KHDRBS2: variants seen among roughly 807,000 people sequenced by gnomAD.
KHDRBS2 encodes KH domain-containing, RNA-binding, signal transduction-associated protein 2.
In KHDRBS2, 26 loss-of-function variants were observed where a neutral mutation model predicts 44.3. That is an observed-to-expected ratio of 0.59 (90% CI 0.43 to 0.81). KHDRBS2 has a LOEUF of 0.81. Among genes scored for constraint, KHDRBS2 ranks in the 40% least tolerant of loss-of-function variants. The probability of loss-of-function intolerance (pLI) is 0.00; values close to 1 mark genes in which losing one functional copy is unlikely to be tolerated. For synonymous variants in KHDRBS2, 194 were observed against 151.1 expected (o/e 1.28, Z -2.08); for missense variants, 476 against 433.1 (o/e 1.10, Z -0.88).
intron 1 of KHDRBS2, among the ~76,000 whole-genome samples, chr6:62,205,724 TC>T (rs1036853420): frequency 2.4e-4 from 37 of 152,208 alleles, no homozygotes; most frequent in African/African-American, 8.9e-4. Context: ...TCAGCAAGTT[TC>T]CTCCTCCCAT....
At chr6:61,976,271 G>C (rs1396284639) in intron 4 of KHDRBS2, among the ~76,000 whole-genome samples, 2 of 152,134 alleles carry the variant, frequency 1.3e-5, no homozygotes, top group Admixed American at 6.6e-5. Context: ...ATGATGCTAA[G>C]ATGGGGATAC....
At chr6:61,876,706 A>G (rs1799458877) in intron 6 of KHDRBS2, among the ~76,000 whole-genome samples, 1 of 152,062 alleles carries the variant, frequency 6.6e-6, no homozygotes, top group Non-Finnish European at 1.5e-5. Flanking sequence ...GGAGCTTGAA[A>G]TCAAAAATAA....
At chr6:62,068,814 G>A (rs1794341499) in intron 2 of KHDRBS2, among the ~76,000 whole-genome samples, 2 of 151,422 alleles carry the variant, frequency 1.3e-5, no homozygotes, top group Admixed American at 1.3e-4. Flanking sequence ...ACAGATTTAT[G>A]GATTTATTTC....
chr6:62,206,202 A>G (rs1827940546), intron 1 of KHDRBS2, among the ~76,000 whole-genome samples: 1 of 152,158 alleles, frequency 6.6e-6, no homozygotes, highest in African/African-American at 2.4e-5. Flanking sequence ...GCATAAATTT[A>G]GAAAATCATT....
At chr6:61,896,275 A>G (rs1802918758) in intron 5 of KHDRBS2, among the ~76,000 whole-genome samples, 1 of 152,212 alleles carries the variant, frequency 6.6e-6, no homozygotes, top group Non-Finnish European at 1.5e-5. Flanking sequence ...TCTCAAAAAT[A>G]TCCATGTGTG....
chr6:62,250,546 G>C (rs1836344255), intron 1 of KHDRBS2, among the ~76,000 whole-genome samples: 1 of 152,012 alleles, frequency 6.6e-6, no homozygotes, highest in South Asian at 2.1e-4. Flanking sequence ...AGGAAGGCAG[G>C]AAGGCAGGAA....
chr6:61,713,434 G>C (rs189451945), intron 7 of KHDRBS2, among the ~76,000 whole-genome samples: 1 of 151,660 alleles, frequency 6.6e-6, no homozygotes, highest in South Asian at 2.1e-4. Context: ...AAGATATAAA[G>C]TGTGTTGTTA....
intron 3 of KHDRBS2, among the ~76,000 whole-genome samples, chr6:62,036,329 TA>T (rs551645315): frequency 9.0e-4 from 137 of 152,098 alleles, no homozygotes; most frequent in African/African-American, 3.2e-3. Context: ...CTATGTCCTA[TA>T]AGTAATTTTA....
intron 2 of KHDRBS2, among the ~76,000 whole-genome samples, chr6:62,121,756 C>T (rs756288668): frequency 4.6e-5 from 7 of 152,142 alleles, no homozygotes; most frequent in African/African-American, 9.7e-5. Flanking sequence ...TTACACTATG[C>T]TGATTGGATC....
the KHDRBS2 span, among the ~76,000 whole-genome samples, chr6:61,612,782 A>G: frequency 0.81 from 122,400 of 150,278 alleles, 50,184 homozygotes; most frequent in Non-Finnish European, 0.87. Context: ...TTACAGCTGC[A>G]CACCACCACA....
At chr6:62,005,404 T>C (rs1779030458) in intron 3 of KHDRBS2, among the ~76,000 whole-genome samples, 2 of 152,034 alleles carry the variant, frequency 1.3e-5, no homozygotes, top group South Asian at 2.1e-4. Flanking sequence ...TAAAAAAATT[T>C]ATTTGTACTA....
intron 6 of KHDRBS2, among the ~76,000 whole-genome samples, chr6:61,747,126 GA>G (rs945667642): frequency 2.7e-5 from 4 of 150,160 alleles, no homozygotes; most frequent in Non-Finnish European, 3.0e-5. Context: ...ACAAACATAT[GA>G]AAAAAAAAGC....
At chr6:61,710,176 G>A (rs528885285) in intron 7 of KHDRBS2, among the ~76,000 whole-genome samples, 29 of 151,672 alleles carry the variant, frequency 1.9e-4, no homozygotes, top group African/African-American at 7.0e-4. Context: ...CATTTTGACA[G>A]TTTTTCTTTG....
At chr6:62,159,218 A>G (rs1476702315) in intron 2 of KHDRBS2, among the ~76,000 whole-genome samples, 5 of 152,328 alleles carry the variant, frequency 3.3e-5, no homozygotes, top group South Asian at 2.1e-4. Flanking sequence ...GTGATTCCTG[A>G]GTTAACCTTT....
chr6:61,627,789 C>T, the KHDRBS2 span, among the ~76,000 whole-genome samples: 4 of 152,168 alleles, frequency 2.6e-5, no homozygotes, highest in African/African-American at 4.8e-5. Context: ...ATTTTCATCT[C>T]TTCTAACAAA....
At chr6:62,044,878 T>A (rs1486679360) in intron 3 of KHDRBS2, among the ~76,000 whole-genome samples, 1 of 151,976 alleles carries the variant, frequency 6.6e-6, no homozygotes, top group Non-Finnish European at 1.5e-5. Context: ...TCAAGGAGAG[T>A]CTTTGTCAAC....
intron 6 of KHDRBS2, among the ~76,000 whole-genome samples, chr6:61,826,477 C>T (rs938513987): frequency 6.6e-6 from 1 of 152,006 alleles, no homozygotes; most frequent in Non-Finnish European, 1.5e-5. Flanking sequence ...AACATTGCCT[C>T]CTGCTTGCCC....
At chr6:62,109,054 A>AACCTGC (rs1048886739) in intron 2 of KHDRBS2, among the ~76,000 whole-genome samples, 1 of 152,006 alleles carries the variant, frequency 6.6e-6, no homozygotes, top group Non-Finnish European at 1.5e-5. Context: ...ATATGTAACT[A>AACCTGC]ACCTGCACAT....
At chr6:61,595,439 CT>C in the KHDRBS2 span, among the ~76,000 whole-genome samples, 1 of 152,234 alleles carries the variant, frequency 6.6e-6, no homozygotes, top group East Asian at 1.9e-4. Context: ...AAGTAGAAAT[CT>C]ATGTCATTTT....
Sources: allele counts gnomAD v4.1 joint callset (sites outside exome capture counted in the v4.1 genomes callset), GRCh38; gene constraint gnomAD v4.1.1; transcripts MANE v1.5; gene names NCBI Gene and HGNC (gene_info 2026-07-23, HGNC 2026-07-21).